RLIG1: variants seen among roughly 807,000 people sequenced by gnomAD.
RLIG1 encodes RNA ligase 1.
At chr12:88,039,283 GA>G in the RLIG1 span, among the ~76,000 whole-genome samples, 1 of 152,088 alleles carries the variant, frequency 6.6e-6, no homozygotes, top group African/African-American at 2.4e-5. Context: ...TCCTTGCTAA[GA>G]CTCCTTATGA....
At chr12:88,047,785 C>T in the RLIG1 span, among the ~76,000 whole-genome samples, 37 of 152,094 alleles carry the variant, frequency 2.4e-4, no homozygotes, top group Non-Finnish European at 4.1e-4. Context: ...CCTCTGCCCC[C>T]GCAAACACAC....
chr12:88,045,750 T>G, the RLIG1 span: 2 of 1,612,968 alleles, frequency 1.2e-6, no homozygotes, highest in Non-Finnish European at 1.7e-6. Context: ...CTGGAACTCA[T>G]AGGAACAAAT....
the RLIG1 span, chr12:88,048,593 C>CAAATT: frequency 1.7e-3 from 792 of 462,766 alleles, 12 homozygotes; most frequent in African/African-American, 0.015. Flanking sequence ...TAAAAACCAG[C>CAAATT]AAATTAATTT....
the RLIG1 span, chr12:88,043,477 G>A: frequency 4.9e-6 from 3 of 610,808 alleles, no homozygotes; most frequent in African/African-American, 3.7e-5. Flanking sequence ...AATGAATGGA[G>A]AATAATTGTA....
the RLIG1 span, among the ~76,000 whole-genome samples, chr12:88,037,568 C>T: frequency 6.6e-6 from 1 of 152,122 alleles, no homozygotes; most frequent in Non-Finnish European, 1.5e-5. Context: ...TGGACCAGAC[C>T]CTGTGGCTCT....
chr12:88,040,157 G>A, the RLIG1 span: 1 of 1,605,612 alleles, frequency 6.2e-7, no homozygotes, highest in African/African-American at 1.3e-5. Context: ...GCCATTTAAA[G>A]TTTTGGCAAC....
chr12:88,045,861 A>G, the RLIG1 span: 96 of 1,078,858 alleles, frequency 8.9e-5, no homozygotes, highest in African/African-American at 1.5e-3. Context: ...AAAAACATAC[A>G]CACACTAAAG....
the RLIG1 span, among the ~76,000 whole-genome samples, chr12:88,039,174 A>G: frequency 6.6e-6 from 1 of 152,126 alleles, no homozygotes; most frequent in African/African-American, 2.4e-5. Flanking sequence ...TTTGCAAGGA[A>G]AAAAAGGTTA....
chr12:88,049,201 T>A, the RLIG1 span: 1 of 1,593,148 alleles, frequency 6.3e-7, no homozygotes, highest in South Asian at 1.2e-5. Context: ...ATGGGGAAAT[T>A]AACAGGACTT....
At chr12:88,048,935 C>T in the RLIG1 span, 1 of 291,472 alleles carries the variant, frequency 3.4e-6, no homozygotes, top group Non-Finnish European at 6.2e-6. Flanking sequence ...AAACTTAAAG[C>T]ATTATGAATG....
At chr12:88,043,494 C>A in the RLIG1 span, 2 of 645,198 alleles carry the variant, frequency 3.1e-6, no homozygotes, top group South Asian at 2.1e-5. Flanking sequence ...TGTATCACAC[C>A]TGATATTATG....
chr12:88,036,091 A>T, the RLIG1 span: 1 of 1,356,140 alleles, frequency 7.4e-7, no homozygotes, highest in Non-Finnish European at 9.7e-7. Flanking sequence ...CCACAGTCCA[A>T]GCTTTACTAC....
the RLIG1 span, among the ~76,000 whole-genome samples, chr12:88,038,624 A>G: frequency 6.6e-6 from 1 of 152,230 alleles, no homozygotes; most frequent in Admixed American, 6.5e-5. Flanking sequence ...AATATAAATC[A>G]CTATTAATGG....
At chr12:88,039,828 G>T in the RLIG1 span, among the ~76,000 whole-genome samples, 2 of 152,074 alleles carry the variant, frequency 1.3e-5, no homozygotes, top group South Asian at 2.1e-4. Context: ...TTAATCTTAG[G>T]CATTTAGTAA....
chr12:88,036,156 C>T, the RLIG1 span: 2 of 1,155,310 alleles, frequency 1.7e-6, no homozygotes, highest in South Asian at 1.3e-5. Context: ...TTTACCTGTT[C>T]TGTCCGAACC....
At chr12:88,045,461 A>C in the RLIG1 span, 1 of 693,952 alleles carries the variant, frequency 1.4e-6, no homozygotes, top group East Asian at 2.7e-5. Context: ...TTAAAGTAAT[A>C]TCTCTTTGCG....
At chr12:88,049,545 A>C in the RLIG1 span, 5 of 614,930 alleles carry the variant, frequency 8.1e-6, no homozygotes, top group Admixed American at 1.3e-4. Context: ...TAAAGGCAGA[A>C]GAATTAAGAT....
the RLIG1 span, chr12:88,048,986 T>A: frequency 2.7e-6 from 1 of 372,498 alleles, no homozygotes; most frequent in Non-Finnish European, 4.8e-6. Context: ...TTGATGGCTG[T>A]AACAAGTCTT....
the RLIG1 span, chr12:88,040,331 C>A: frequency 1.1e-6 from 1 of 940,998 alleles, no homozygotes; most frequent in Non-Finnish European, 1.6e-6. Context: ...TACAGTCTAT[C>A]TGAAATGAGG....
Sources: gnomAD v4.1 joint callset for allele counts (sites outside exome capture counted in the v4.1 genomes callset) on GRCh38, gnomAD v4.1.1 for gene constraint, MANE v1.5 for transcripts, NCBI Gene and HGNC (gene_info 2026-07-23, HGNC 2026-07-21) for gene names.